The following IRF6 variants were observed in gnomAD, a reference collection of about 807,000 sequenced individuals.
IRF6 encodes the protein Van der Woude syndrome.
A neutral mutation model predicts 51.4 loss-of-function variants in IRF6; 6 were observed. That is an observed-to-expected ratio of 0.12 (90% CI 0.06 to 0.23). The LOEUF (loss-of-function observed/expected upper bound fraction) is 0.23. Among genes scored for constraint, IRF6 ranks in the 10% least tolerant of loss-of-function variants. IRF6 has a pLI of 1.00. For missense variants in IRF6, 348 were observed against 585.2 expected (o/e 0.59, Z 4.18); for synonymous variants, 178 against 215.7 (o/e 0.83, Z 1.53).
Position 209,790,906 on chromosome 1 carries a change from C to T in IRF6, c.668-19G>A. The T allele has an allele frequency of 6.2e-7, 1 of 1,612,142 alleles. No homozygotes were observed. Among genetic ancestry groups the T allele is most frequent in the Non-Finnish European group, 8.5e-7 (1 of 1,180,028 alleles). ...TCAGTCACTGCAAGGTTAGAGATGA[C>T]AGTGAGAGTCCTGCTTCACTGCTCT... On this transcript the variant is annotated intron_variant, in intron 6 of 8. Transcript: ENST00000367021. This position sits in a 1 kb window ranked among gnomAD's most constrained non-coding sequence, Gnocchi z 4.8.
In IRF6 at chr1:209,787,461, A is replaced by G. The variant is rs985793776; in HGVS notation, c.*959T>C. Reference sequence around the variant, plus strand: ...AACAACCCATTTCTTCCAACTGCAAAAAATCTAAATGATACTGTCCCTTTT... The same window carrying G: ...AACAACCCATTTCTTCCAACTGCAAGAAATCTAAATGATACTGTCCCTTTT... On this transcript the variant is annotated 3_prime_UTR_variant, in exon 9 of 9. Coordinates refer to ENST00000367021, the MANE Select transcript of IRF6 (RefSeq NM_006147.4). The G allele has an allele frequency of 2.0e-5, 3 of 152,274 alleles. No homozygotes were observed. The highest frequency in any genetic ancestry group is 7.2e-5 in the African/African-American group (3 of 41,436). 9.4% of individuals were successfully genotyped at this position (152,274 alleles called of 1,614,324 possible).
intron 1 of IRF6, 148 bp from the exon 2 acceptor site, chr1:209,802,191 T>C (rs1391797315): frequency 6.6e-6 from 1 of 152,160 alleles, no homozygotes; most frequent in Non-Finnish European, 1.5e-5. Flanking sequence ...AATAACCAAA[T>C]ACTAAAGTAC....
chr1:209,790,992 T>C lies in IRF6; in HGVS notation c.668-105A>G. The stretch of plus-strand genomic sequence containing the variant: ...AGATCAAGCCACCTTTCAACCAGCA[T>C]TCAGGAAGGCCACTGCCATAGTTAT... On this transcript the variant is annotated intron_variant, in intron 6 of 8. Coordinates refer to ENST00000367021, the MANE Select transcript of IRF6 (RefSeq NM_006147.4). This position sits in a 1 kb window ranked among gnomAD's most constrained non-coding sequence, Gnocchi z 4.8. 6.3e-7 allele frequency: 1 copy of C among 1,597,910 alleles called. No individual in the cohort carries two copies.
Position 209,796,341 on chromosome 1 carries a change from G to A in IRF6, c.379+7C>T, listed in dbSNP as rs765901758. 3.7e-6 allele frequency: 6 copies of A among 1,613,186 alleles called. No individual in the cohort carries two copies. Among genetic ancestry groups the A allele is most frequent in the Non-Finnish European group, 5.1e-6 (6 of 1,179,538 alleles). On this transcript the variant is annotated splice_region_variant and intron_variant, in intron 4 of 8. Transcript: ENST00000367021. The surrounding 1 kb of genome is among the most constrained non-coding windows in gnomAD (Gnocchi z 4.5). ...GCCCACCTTCTCCCCAGCACCTGGG[G>A]CCTCACCTGGGTTAATGATCGAGCC...
rs886045878 is a variant in IRF6, at chr1:209,786,653, C to T, written c.*1767G>A. ...GGTCCCTAAAAGCCCAACTTTTCCT[C>T]GAAGCTGGGCACCTGACCTTTAGCC... On this transcript the variant is annotated 3_prime_UTR_variant, in exon 9 of 9. Transcript: ENST00000367021. 4.6e-5 allele frequency: 7 copies of T among 152,182 alleles called. No homozygotes were observed. Among genetic ancestry groups the T allele is most frequent in the Non-Finnish European group, 1.0e-4 (7 of 68,042 alleles). The allele number at this position is 152,182 out of a possible 1,614,324, so 9.4% of individuals were successfully genotyped here.
intron 4 of IRF6, among the ~76,000 whole-genome samples, chr1:209,795,676 GA>G (rs2077896851): frequency 6.6e-6 from 1 of 152,140 alleles, no homozygotes; most frequent in African/African-American, 2.4e-5. Context: ...TAATTGGAGG[GA>G]TCAGGAGATA....
At chr1:209,803,229 G>C (rs1008630666) in intron 1 of IRF6, among the ~76,000 whole-genome samples, 3 of 152,142 alleles carry the variant, frequency 2.0e-5, no homozygotes, top group Non-Finnish European at 4.4e-5. Context: ...TACTGAAAGG[G>C]GGATGGAGCA....
rs553026386 is a variant in IRF6 at position 209,801,221 on chromosome 1, G to A, written c.174+19C>T. ...AAAAAAAAATCCAGAAAGGTCTGAT[G>A]GTAGAAGAAGTCCTTTACCTTAAAA... On this transcript the variant is annotated intron_variant, in intron 3 of 8. Transcript: ENST00000367021. 1.3e-6 allele frequency: 2 copies of A among 1,522,530 alleles called. No individual in the cohort carries two copies. Among genetic ancestry groups the A allele is most frequent in the Admixed American group, 1.7e-5 (1 of 59,280 alleles). 94.3% of individuals were successfully genotyped at this position (1,522,530 alleles called of 1,614,324 possible).
At position 209,806,078 on chromosome 1, in the gene IRF6, G is replaced by T. The variant is rs1451992858; in HGVS notation, c.-207C>A. 5 of 152,392 alleles carry T rather than the reference G, an allele frequency of 3.3e-5. No individual in the cohort carries two copies. The highest frequency in any genetic ancestry group is 1.2e-4 in the African/African-American group (5 of 41,456). 9.4% of individuals were successfully genotyped at this position (152,392 alleles called of 1,614,324 possible). Reference sequence around the variant, plus strand: ...GGCTCTACCCAAGTAGGGACTGCAGGTTCCTCTCCCCGTCCCGCACCAGCC... The same window carrying T: ...GGCTCTACCCAAGTAGGGACTGCAGTTTCCTCTCCCCGTCCCGCACCAGCC... On this transcript the variant is annotated 5_prime_UTR_variant, in exon 1 of 9. Transcript: ENST00000367021.
intron 5 of IRF6, among the ~76,000 whole-genome samples, chr1:209,794,771 G>A (rs2077890734): frequency 6.6e-6 from 1 of 152,164 alleles, no homozygotes; most frequent in Admixed American, 6.5e-5. Flanking sequence ...TAGGAAGCTG[G>A]ATTCAAAAGC....
intron 3 of IRF6, 60 bp downstream of exon 3, chr1:209,801,180 T>C (rs1571986145): frequency 7.1e-6 from 8 of 1,132,064 alleles, no homozygotes; most frequent in South Asian, 1.3e-5. Context: ...GTATTCCCCA[T>C]GCCAAAAAAA....
At chr1:209,794,597 G>A (rs1327665656) in intron 5 of IRF6, among the ~76,000 whole-genome samples, 1 of 152,230 alleles carries the variant, frequency 6.6e-6, no homozygotes, top group Non-Finnish European at 1.5e-5. Flanking sequence ...CTGCTTGGCT[G>A]GATGCAAGTC....
In IRF6 at chr1:209,790,731, T is replaced by C; in HGVS notation, c.824A>G (p.Lys275Arg). ...GGTAATATGCTCAGGACCTGGGAAT[T>C]TGACCTGCTCCAGGCTGACGGGACC... ...LFGPVSLEQV[K>R]FPGPEHITNE... is the part of the protein sequence containing the mutation. The change falls in exon 7 of 9, where the codon AAA becomes AGA. Residue 275 changes from lysine to arginine, a missense_variant. Lys to Arg is a conservative substitution (Grantham distance 26). Around this residue, in one of 5 missense-constraint regions of IRF6, gnomAD observed 125 missense variants for 222.0 expected, o/e 0.56. Transcript: ENST00000367021. This position sits in a 1 kb window ranked among gnomAD's most constrained non-coding sequence, Gnocchi z 4.8. The C allele has an allele frequency of 1.2e-6, 2 of 1,614,196 alleles. No individual in the cohort carries two copies. The highest frequency in any genetic ancestry group is 1.7e-6 in the Non-Finnish European group (2 of 1,180,040).
At chr1:209,789,054 C>T (rs2077851758) in intron 8 of IRF6, among the ~76,000 whole-genome samples, 1 of 152,146 alleles carries the variant, frequency 6.6e-6, no homozygotes, top group African/African-American at 2.4e-5. Flanking sequence ...GGCCAGGTAT[C>T]GTGGCTTACA....
At position 209,796,110 on chromosome 1, in the gene IRF6, G is replaced by A. The variant is rs2077899707; in HGVS notation, c.379+238C>T. On this transcript the variant is annotated intron_variant, in intron 4 of 8. Transcript: ENST00000367021. The surrounding 1 kb of genome is among the most constrained non-coding windows in gnomAD (Gnocchi z 4.5). ...AAGAGGCTACTTTTACAGTAGAACT[G>A]TATACCCCTCCACTTTCTAATGCTT... 1.3e-5 allele frequency among the ~76,000 whole-genome samples: 2 copies of A among 152,174 alleles called. No homozygotes were observed. Among genetic ancestry groups the A allele is most frequent in the South Asian group, 4.1e-4 (2 of 4,830 alleles).
intron 1 of IRF6, among the ~76,000 whole-genome samples, chr1:209,804,031 A>G (rs749882136): frequency 4.6e-5 from 7 of 152,218 alleles, no homozygotes; most frequent in Non-Finnish European, 8.8e-5. Context: ...TGATGCAACT[A>G]TGGGTGCTTT....
chr1:209,805,418 T>C (rs2077968172), intron 1 of IRF6, among the ~76,000 whole-genome samples: 1 of 152,158 alleles, frequency 6.6e-6, no homozygotes, highest in Non-Finnish European at 1.5e-5. Flanking sequence ...GCTCCGCTCC[T>C]TGGAAATCCA....
intron 5 of IRF6, 155 bp from the exon 6 acceptor site, chr1:209,792,582 G>A (rs985188075): frequency 1.1e-5 from 8 of 727,162 alleles, no homozygotes; most frequent in South Asian, 3.4e-5. Context: ...CATAACTAAC[G>A]CAATAAGAAA....
In IRF6 at chr1:209,787,987, C is replaced by T. The variant is rs2077844625; in HGVS notation, c.*433G>A. On this transcript the variant is annotated 3_prime_UTR_variant, in exon 9 of 9. Transcript: ENST00000367021. ...AGAACAATGCAGAAGGATTCTGTTC[C>T]AGGCAGTTTAGCCTTGTACAAGTAG... 4.7e-6 allele frequency: 1 copy of T among 214,762 alleles called. No homozygotes were observed. Among genetic ancestry groups the T allele is most frequent in the Admixed American group, 5.3e-5 (1 of 18,956 alleles). The allele number at this position is 214,762 out of a possible 1,614,324, so 13.3% of individuals were successfully genotyped here.
Sources: gnomAD v4.1 joint callset for allele counts (sites outside exome capture counted in the v4.1 genomes callset) on GRCh38, gnomAD v4.1.1 for gene constraint, gnomAD v4.1.1 regional missense constraint, Gnocchi (gnomAD v3.1) non-coding constraint, MANE v1.5 for transcripts, NCBI Gene and HGNC (gene_info 2026-07-23, HGNC 2026-07-21) for gene names.